The following ERC2 variants were observed in gnomAD, a reference collection of about 807,000 sequenced individuals.
ERC2 encodes the protein ELKS/RAB6-interacting/CAST family member 2.
Under a neutral mutation model 114.8 loss-of-function variants are expected in ERC2, and 42 were observed. The ratio of observed to expected loss-of-function variants is 0.37; its 90% CI spans 0.29 to 0.47. The LOEUF (loss-of-function observed/expected upper bound fraction) is 0.47. Among genes scored for constraint, ERC2 ranks in the 20% least tolerant of loss-of-function variants. ERC2 has a pLI of 0.99. For synonymous variants in ERC2, 454 were observed against 425.5 expected, an observed-to-expected ratio of 1.07 and a Z score of -0.82; for missense variants, 939 against 1,150.7, an observed-to-expected ratio of 0.82 and a Z score of 2.66.
intron 17 of ERC2, among the ~76,000 whole-genome samples, chr3:55,618,786 A>C (rs1252980182): frequency 6.6e-6 from 1 of 152,212 alleles, no homozygotes; most frequent in Non-Finnish European, 1.5e-5. Context: ...AGAAATGTTA[A>C]AACACTAAAG....
intron 2 of ERC2, among the ~76,000 whole-genome samples, chr3:56,312,205 A>C (rs1055510410): frequency 6.6e-6 from 1 of 152,150 alleles, no homozygotes; most frequent in Non-Finnish European, 1.5e-5. Flanking sequence ...ACTATTTCTA[A>C]AGATTCCATA....
intron 15 of ERC2, among the ~76,000 whole-genome samples, chr3:55,706,942 C>T (rs188495907): frequency 1.3e-5 from 2 of 152,298 alleles, no homozygotes; most frequent in African/African-American, 4.8e-5. Flanking sequence ...CATATTGAGA[C>T]TCAGACTGAA....
chr3:55,800,789 A>C (rs974635505), intron 14 of ERC2, among the ~76,000 whole-genome samples: 6 of 152,160 alleles, frequency 3.9e-5, no homozygotes, highest in African/African-American at 1.4e-4. Flanking sequence ...CTGCACCCTC[A>C]GGCTTCCAGC....
intron 17 of ERC2, among the ~76,000 whole-genome samples, chr3:55,660,520 A>AT (rs1202461242): frequency 1.4e-5 from 2 of 147,218 alleles, no homozygotes; most frequent in Non-Finnish European, 3.1e-5. Context: ...TCCAAATTTG[A>AT]TTTTTTTTCT....
intron 17 of ERC2, among the ~76,000 whole-genome samples, chr3:55,546,185 G>A (rs2054736418): frequency 6.6e-6 from 1 of 152,170 alleles, no homozygotes; most frequent in Admixed American, 6.5e-5. Context: ...CCAGGAGGCA[G>A]AGGCTCTGCT....
chr3:55,860,234 A>G (rs1198230361), intron 14 of ERC2, among the ~76,000 whole-genome samples: 2 of 152,184 alleles, frequency 1.3e-5, no homozygotes, highest in African/African-American at 2.4e-5. Flanking sequence ...GAAAGAGGAA[A>G]GAGTCTGTCA....
At chr3:56,361,526 A>C (rs759439741) in intron 2 of ERC2, among the ~76,000 whole-genome samples, 2 of 152,192 alleles carry the variant, frequency 1.3e-5, no homozygotes, top group Non-Finnish European at 2.9e-5. Flanking sequence ...CAGAACCCAA[A>C]ATATAAATGG....
chr3:55,603,635 C>A (rs1353221367), intron 17 of ERC2, among the ~76,000 whole-genome samples: 3 of 136,202 alleles, frequency 2.2e-5, no homozygotes, highest in Non-Finnish European at 4.6e-5. Flanking sequence ...CGGAGTGAGA[C>A]TCTGTCTCAA....
At chr3:56,080,076 C>G (rs752655161) in intron 7 of ERC2, among the ~76,000 whole-genome samples, 1 of 152,156 alleles carries the variant, frequency 6.6e-6, no homozygotes, top group African/African-American at 2.4e-5. Flanking sequence ...ATCTTCCCAA[C>G]ACATTTTATT....
intron 12 of ERC2, among the ~76,000 whole-genome samples, chr3:55,957,739 G>T (rs200401579): frequency 1.3e-5 from 2 of 152,092 alleles, no homozygotes; most frequent in Admixed American, 6.5e-5. Context: ...AGGAGGGGGG[G>T]GCAGCTCCAG....
chr3:55,731,695 C>T (rs2065261280), intron 15 of ERC2, among the ~76,000 whole-genome samples: 2 of 152,166 alleles, frequency 1.3e-5, no homozygotes, highest in Admixed American at 6.5e-5. Context: ...AGATACCCAA[C>T]CTCTATGGGC....
At chr3:55,689,797 C>CAAAAAAAAAAAAGAAA in intron 16 of ERC2, among the ~76,000 whole-genome samples, 1 of 86,420 alleles carries the variant, frequency 1.2e-5, no homozygotes. Flanking sequence ...GACTCCGTCT[C>CAAAAAAAAAAAAGAAA]AAAAAAAAAA....
intron 17 of ERC2, among the ~76,000 whole-genome samples, chr3:55,628,914 T>A (rs968721359): frequency 2.0e-5 from 3 of 152,054 alleles, no homozygotes; most frequent in Non-Finnish European, 1.5e-5. Flanking sequence ...TTGTAGAGAG[T>A]GTCCTGCTAG....
intron 7 of ERC2, among the ~76,000 whole-genome samples, chr3:56,050,245 T>G (rs1250512953): frequency 6.6e-6 from 1 of 152,158 alleles, no homozygotes; most frequent in Non-Finnish European, 1.5e-5. Flanking sequence ...CATGCTTATA[T>G]TAATAGGTTT....
At chr3:56,245,764 G>A (rs2051650069) in intron 3 of ERC2, among the ~76,000 whole-genome samples, 1 of 151,856 alleles carries the variant, frequency 6.6e-6, no homozygotes, top group Non-Finnish European at 1.5e-5. Flanking sequence ...GGCTGGTCTA[G>A]AACTCCTGAC....
intron 17 of ERC2, chr3:55,658,003 T>C (rs2060952239): frequency 6.6e-6 from 1 of 152,230 alleles, no homozygotes; most frequent in African/African-American, 2.4e-5. Context: ...TAACAAATGC[T>C]TGCTAAATTG....
chr3:56,196,752 A>T (rs1308421578), intron 3 of ERC2, among the ~76,000 whole-genome samples: 1 of 152,162 alleles, frequency 6.6e-6, no homozygotes, highest in Non-Finnish European at 1.5e-5. Context: ...CTAGCTACTG[A>T]GCCACAGATA....
At chr3:55,753,747 T>A (rs537347808) in intron 14 of ERC2, among the ~76,000 whole-genome samples, 1 of 152,178 alleles carries the variant, frequency 6.6e-6, no homozygotes, top group Non-Finnish European at 1.5e-5. Context: ...CATTGAGAGA[T>A]CTGACAATAA....
intron 3 of ERC2, among the ~76,000 whole-genome samples, chr3:56,246,953 G>T (rs868518631): frequency 1.3e-5 from 2 of 152,250 alleles, no homozygotes; most frequent in Non-Finnish European, 2.9e-5. Context: ...AGTATGACCA[G>T]CCATCTGGTG....
Sources: gnomAD v4.1 joint callset for allele counts (sites outside exome capture counted in the v4.1 genomes callset) on GRCh38, gnomAD v4.1.1 for gene constraint, MANE v1.5 for transcripts, NCBI Gene and HGNC (gene_info 2026-07-23, HGNC 2026-07-21) for gene names.